Variants in ZFP14 observed in about 807,000 individuals in gnomAD.
ZFP14 encodes the protein zinc finger protein 14 homolog.
Under a neutral mutation model 54.5 loss-of-function variants are expected in ZFP14, and 22 were observed. The observed-to-expected ratio is 0.40, with a 90% CI of 0.29 to 0.58. The LOEUF (loss-of-function observed/expected upper bound fraction) is 0.58, where lower values mean the gene tolerates loss of function less well. Ranked by LOEUF, ZFP14 falls within the 20% of genes least tolerant of loss-of-function variation. ZFP14 has a pLI of 0.39. For missense variants in ZFP14, 470 were observed against 637.8 expected (o/e 0.74, Z 2.83); for synonymous variants, 159 against 204.0 (o/e 0.78, Z 1.88).
At chr19:36,373,902 AC>A (rs1260598781) in intron 1 of ZFP14, among the ~76,000 whole-genome samples, 1 of 102,682 alleles carries the variant, frequency 9.7e-6, no homozygotes, top group Non-Finnish European at 1.9e-5. Context: ...ACAGAGTAAG[AC>A]CCCATCTCAA....
intron 1 of ZFP14, among the ~76,000 whole-genome samples, chr19:36,371,698 C>A (rs2031878932): frequency 6.6e-6 from 1 of 152,080 alleles, no homozygotes. Flanking sequence ...GAGGCTCATG[C>A]CTATAATCCC....
chr19:36,349,177 G>C (rs1460920304), intron 4 of ZFP14, among the ~76,000 whole-genome samples: 1 of 140,984 alleles, frequency 7.1e-6, no homozygotes, highest in Non-Finnish European at 1.5e-5. Context: ...GTTTCAGTGA[G>C]CCGAGATTAT....
chr19:36,344,733 G>A (rs1027441946), intron 4 of ZFP14, among the ~76,000 whole-genome samples: 5 of 152,082 alleles, frequency 3.3e-5, no homozygotes, highest in African/African-American at 9.7e-5. Flanking sequence ...CTGTGTATGC[G>A]AGGGATCTAG....
rs554347184 is a variant in ZFP14, at chr19:36,365,658, A to T, written c.9+2226T>A. On this transcript the variant is annotated intron_variant, in intron 2 of 4. Transcript: ENST00000270001. ...TTCCTGGATGTTATTTTTGTTTTTT[A>T]AAAAAAAGCATTGTATTGGATCAGG... Among the ~76,000 whole-genome samples, 50 of 147,390 alleles carry T rather than the reference A, an allele frequency of 3.4e-4. No individual in the cohort carries two copies. The East Asian group carries it at 8.7e-3, about 26-fold the overall frequency.
At chr19:36,356,519 G>A (rs143837429) in intron 4 of ZFP14, among the ~76,000 whole-genome samples, 94 of 151,736 alleles carry the variant, frequency 6.2e-4, no homozygotes, top group African/African-American at 1.7e-3. Context: ...GTGTTTATTT[G>A]CATAGCTCTA....
At chr19:36,349,434 G>A (rs2031484886) in intron 4 of ZFP14, among the ~76,000 whole-genome samples, 1 of 151,272 alleles carries the variant, frequency 6.6e-6, no homozygotes, top group Admixed American at 6.6e-5. Flanking sequence ...GGAGGCTGAG[G>A]TGGGTAGATC....
Position 36,351,663 on chromosome 19 carries a change from C to A in ZFP14, c.235+8772G>T, listed in dbSNP as rs753702934. On this transcript the variant is annotated intron_variant, in intron 4 of 4. Coordinates refer to ENST00000270001, the MANE Select transcript of ZFP14 (RefSeq NM_020917.3). ...ATCATCTGAGACCAAGAGTTTGAGA[C>A]CAGCCTGGCCAACACAGTGAGACCC... Among the ~76,000 whole-genome samples the A allele has an allele frequency of 2.8e-4, 40 of 140,812 alleles. 8 individuals carry two copies. Among genetic ancestry groups the A allele is most frequent in the Non-Finnish European group, 5.8e-4 (37 of 63,786 alleles). The allele number at this position is 140,812 out of a possible 152,430, so 92.4% of individuals were successfully genotyped here.
At position 36,379,057 on chromosome 19, in the gene ZFP14, T is replaced by G. The variant is rs1168247727; in HGVS notation, c.-80+106A>C. On this transcript the variant is annotated intron_variant, in intron 1 of 4. Transcript: ENST00000270001. The stretch of plus-strand genomic sequence containing the variant: ...ACGCAACAGGGCACCCGGCGCCCAG[T>G]CAGCGCCACAAACTCCACAGCTACT... The G allele has an allele frequency of 2.6e-5, 4 of 152,426 alleles. No homozygotes were observed. The East Asian group carries it at 7.7e-4, about 29-fold the overall frequency. The allele number at this position is 152,426 out of a possible 1,614,324, so 9.4% of individuals were successfully genotyped here. A position where few individuals can be genotyped will look rare whatever the true frequency, so the allele number is the denominator to read the frequency against.
intron 4 of ZFP14, among the ~76,000 whole-genome samples, chr19:36,345,631 A>G (rs910727574): frequency 2.0e-5 from 3 of 152,250 alleles, no homozygotes; most frequent in African/African-American, 7.2e-5. Flanking sequence ...TACAGTATAA[A>G]TGTGTAAAAC....
intron 2 of ZFP14, 51 bp downstream of exon 2, chr19:36,367,833 T>C (rs1392337278): frequency 6.3e-7 from 1 of 1,588,788 alleles, no homozygotes; most frequent in African/African-American, 1.3e-5. Flanking sequence ...TCTATATACA[T>C]GATACAGAAA....
chr19:36,377,190 G>C (rs1306713132), intron 1 of ZFP14, among the ~76,000 whole-genome samples: 1 of 152,090 alleles, frequency 6.6e-6, no homozygotes, highest in East Asian at 1.9e-4. Context: ...TTTGAACTCA[G>C]GGCGGTGGGG....
At chr19:36,352,073 A>G (rs1356790211) in intron 4 of ZFP14, among the ~76,000 whole-genome samples, 6 of 139,924 alleles carry the variant, frequency 4.3e-5, no homozygotes, top group African/African-American at 7.9e-5. Context: ...AGTCCCAGCT[A>G]CTCGGGAGGC....
At chr19:36,367,578 T>C (rs2031813905) in intron 2 of ZFP14, among the ~76,000 whole-genome samples, 2 of 152,158 alleles carry the variant, frequency 1.3e-5, no homozygotes, top group Admixed American at 6.6e-5. Flanking sequence ...CCTCCCGGGT[T>C]CCAGCAATTC....
chr19:36,342,150 C>A (rs1267746755), intron 4 of ZFP14, among the ~76,000 whole-genome samples: 1 of 149,994 alleles, frequency 6.7e-6, no homozygotes, highest in Non-Finnish European at 1.5e-5. Flanking sequence ...CCACTGCGCC[C>A]GGCGAGGACC....
chr19:36,349,675 A>C (rs1366083693), intron 4 of ZFP14, among the ~76,000 whole-genome samples: 3 of 128,016 alleles, frequency 2.3e-5, no homozygotes, highest in Non-Finnish European at 3.5e-5. Context: ...TCAAAACAAA[A>C]AAAAAATATA....
At chr19:36,364,595 T>C (rs1281913386) in intron 2 of ZFP14, among the ~76,000 whole-genome samples, 1 of 152,108 alleles carries the variant, frequency 6.6e-6, no homozygotes, top group Admixed American at 6.6e-5. Flanking sequence ...GACAAAGTTG[T>C]CAAGGCACAC....
chr19:36,341,824 A>G lies in ZFP14; in HGVS notation c.236-234T>C, dbSNP rs997109487. ...CACTAAAAATTACTGTGTTCAGAAG[A>G]AAAATAGGCCCGGAGCAGGACCACT... On this transcript the variant is annotated intron_variant, in intron 4 of 4. Coordinates refer to ENST00000270001, the MANE Select transcript of ZFP14 (RefSeq NM_020917.3). This position sits in a 1 kb window ranked among gnomAD's most constrained non-coding sequence, Gnocchi z 4.2. Among the ~76,000 whole-genome samples the G allele has an allele frequency of 2.6e-5, 4 of 152,166 alleles. No individual in the cohort carries two copies. The highest frequency in any genetic ancestry group is 9.7e-5 in the African/African-American group (4 of 41,430).
rs780490732 is a variant in ZFP14, at chr19:36,340,877, A to G, written c.949T>C (p.Cys317Arg). Residue 317 changes from cysteine (C) to arginine (R), a missense_variant, in exon 5 of 5, where the codon TGT becomes CGT. Physicochemically the swap from Cys to Arg is radical, Grantham distance 180. Transcript: ENST00000270001. This position sits in a 1 kb window ranked among gnomAD's most constrained non-coding sequence, Gnocchi z 5.4. ...GGACCACATACGAAGGCTTTCCCAC[A>G]TTCCTTACATTCATAGAGCTTTTCA... ...TAEKLYECKE[C>R]GKAFVCGPDL... 2.5e-6 allele frequency: 4 copies of G among 1,614,014 alleles called. No individual in the cohort carries two copies. Among genetic ancestry groups the G allele is most frequent in the Non-Finnish European group, 3.4e-6 (4 of 1,180,006 alleles).
chr19:36,358,150 G>A (rs753950225), intron 4 of ZFP14, among the ~76,000 whole-genome samples: 11 of 145,714 alleles, frequency 7.5e-5, no homozygotes, highest in East Asian at 2.1e-4. Flanking sequence ...TTGCTCTATC[G>A]TCTGAGCTGG....
Sources: allele counts gnomAD v4.1 joint callset (sites outside exome capture counted in the v4.1 genomes callset), GRCh38; gene constraint gnomAD v4.1.1; non-coding constraint Gnocchi (gnomAD v3.1); transcripts MANE v1.5; gene names NCBI Gene and HGNC (gene_info 2026-07-23, HGNC 2026-07-21).